PRR16: variants seen among roughly 807,000 people sequenced by gnomAD.
PRR16 encodes protein Largen.
A neutral mutation model predicts 18.2 loss-of-function variants in PRR16; 6 were observed. That is an observed-to-expected ratio of 0.33 (90% CI 0.18 to 0.65). The LOEUF (loss-of-function observed/expected upper bound fraction) is 0.65, where lower values mean the gene tolerates loss of function less well. Among genes scored for constraint, PRR16 ranks in the 30% least tolerant of loss-of-function variants. The pLI, the probability that PRR16 is intolerant of heterozygous loss-of-function variation, is 0.74. For synonymous variants in PRR16, 151 were observed against 147.8 expected (o/e 1.02, Z -0.16); for missense variants, 412 against 376.6 (o/e 1.09, Z -0.78).
intron 1 of PRR16, among the ~76,000 whole-genome samples, chr5:120,473,255 A>G (rs1458018622): frequency 3.9e-5 from 6 of 152,162 alleles, no homozygotes; most frequent in African/African-American, 1.4e-4. Flanking sequence ...TGAAGTATAA[A>G]TTTGATTGCC....
At chr5:120,516,118 C>G (rs1300368905) in intron 1 of PRR16, among the ~76,000 whole-genome samples, 2 of 151,940 alleles carry the variant, frequency 1.3e-5, no homozygotes, top group Admixed American at 1.3e-4. Flanking sequence ...AAAACCAAAC[C>G]AAACCAAACC....
At chr5:120,620,883 G>A (rs778766708) in intron 1 of PRR16, among the ~76,000 whole-genome samples, 23 of 151,930 alleles carry the variant, frequency 1.5e-4, no homozygotes, top group African/African-American at 2.2e-4. Flanking sequence ...TCTCCCCATC[G>A]TCTCCATTGG....
chr5:120,715,197 T>C, the PRR16 span, among the ~76,000 whole-genome samples: 1 of 152,204 alleles, frequency 6.6e-6, no homozygotes, highest in East Asian at 1.9e-4. Context: ...TTTTCTGTTT[T>C]ACACTTAGAT....
intron 1 of PRR16, among the ~76,000 whole-genome samples, chr5:120,640,496 T>C (rs998618575): frequency 6.6e-6 from 1 of 152,152 alleles, no homozygotes; most frequent in Non-Finnish European, 1.5e-5. Context: ...CATAATAGTC[T>C]TGTAATTCAC....
the PRR16 span, among the ~76,000 whole-genome samples, chr5:120,733,987 T>C: frequency 6.6e-6 from 1 of 152,202 alleles, no homozygotes. Context: ...TACATTTGTG[T>C]AGGCAGAAAA....
chr5:120,648,808 G>A (rs1755682677), intron 1 of PRR16, among the ~76,000 whole-genome samples: 1 of 152,102 alleles, frequency 6.6e-6, no homozygotes, highest in Non-Finnish European at 1.5e-5. Flanking sequence ...CGTTCTTACA[G>A]TGTCAGTACT....
chr5:120,754,370 A>AAC, the PRR16 span, among the ~76,000 whole-genome samples: 2 of 57,048 alleles, frequency 3.5e-5, no homozygotes, highest in Non-Finnish European at 5.8e-5. Context: ...ATAAATATAT[A>AAC]ATATATAACA....
chr5:120,622,735 C>A (rs1463851645), intron 1 of PRR16, among the ~76,000 whole-genome samples: 1 of 152,030 alleles, frequency 6.6e-6, no homozygotes, highest in Non-Finnish European at 1.5e-5. Flanking sequence ...CCTCAGCCTC[C>A]CAAAGTTCTG....
chr5:120,549,885 G>A (rs976756564), intron 1 of PRR16, among the ~76,000 whole-genome samples: 1 of 151,924 alleles, frequency 6.6e-6, no homozygotes, highest in Admixed American at 6.6e-5. Context: ...TGGAGTTTAT[G>A]TTTTATCCTG....
chr5:120,493,286 A>C (rs1373739539), intron 1 of PRR16, among the ~76,000 whole-genome samples: 1 of 151,748 alleles, frequency 6.6e-6, no homozygotes, highest in African/African-American at 2.4e-5. Flanking sequence ...TTGTGGTTTT[A>C]TTTTGCATTT....
the PRR16 span, among the ~76,000 whole-genome samples, chr5:120,791,584 CATCTATCT>C: frequency 2.0e-3 from 259 of 127,480 alleles, no homozygotes; most frequent in Middle Eastern, 4.2e-3. Context: ...GAACTTCTAT[CATCTATCT>C]ATCTATCTAT....
chr5:120,790,481 A>C, the PRR16 span: 1 of 148,634 alleles, frequency 6.7e-6, no homozygotes, highest in East Asian at 1.9e-4. Flanking sequence ...CTGAATGAAC[A>C]GAGAAACATT....
chr5:120,514,036 A>G (rs754901325), intron 1 of PRR16, among the ~76,000 whole-genome samples: 4 of 152,066 alleles, frequency 2.6e-5, no homozygotes, highest in Non-Finnish European at 5.9e-5. Context: ...GGGATTGCAG[A>G]TGTGAGCCAC....
At chr5:120,647,760 T>A (rs1046847169) in intron 1 of PRR16, among the ~76,000 whole-genome samples, 2 of 152,110 alleles carry the variant, frequency 1.3e-5, no homozygotes, top group African/African-American at 4.8e-5. Flanking sequence ...GATCTTTGCA[T>A]AAGTATCCAC....
intron 1 of PRR16, among the ~76,000 whole-genome samples, chr5:120,639,285 T>C (rs1037120992): frequency 6.6e-6 from 1 of 152,064 alleles, no homozygotes; most frequent in African/African-American, 2.4e-5. Context: ...TACACCTAAA[T>C]TATAGTCAAC....
At chr5:120,709,158 T>C in the PRR16 span, among the ~76,000 whole-genome samples, 143,556 of 151,166 alleles carry the variant, frequency 0.95, 68,490 homozygotes, top group East Asian at 1. Context: ...CAGGCGCCCG[T>C]CACCACGCCT....
chr5:120,521,489 CA>C (rs1438269939), intron 1 of PRR16, among the ~76,000 whole-genome samples: 1 of 151,874 alleles, frequency 6.6e-6, no homozygotes, highest in Non-Finnish European at 1.5e-5. Context: ...TTATGGGGCT[CA>C]TTTTTTTTCT....
intron 1 of PRR16, among the ~76,000 whole-genome samples, chr5:120,655,725 C>CTT (rs5870911): frequency 0.017 from 1,760 of 102,736 alleles, 17 homozygotes; most frequent in South Asian, 0.042. Context: ...TAGCAATTGA[C>CTT]TTTTTTTTTT....
chr5:120,603,454 C>T (rs1288291333), intron 1 of PRR16, among the ~76,000 whole-genome samples: 1 of 151,848 alleles, frequency 6.6e-6, no homozygotes, highest in Non-Finnish European at 1.5e-5. Context: ...TTCTCTCTTT[C>T]TTTATCATCC....
Sources: allele counts gnomAD v4.1 joint callset (sites outside exome capture counted in the v4.1 genomes callset), GRCh38; gene constraint gnomAD v4.1.1; transcripts MANE v1.5; gene names NCBI Gene and HGNC (gene_info 2026-07-23, HGNC 2026-07-21).